Variants in WDR3 observed in about 807,000 individuals in gnomAD.
WDR3 encodes WD repeat-containing protein 3.
In WDR3, 81 loss-of-function variants were observed where a neutral mutation model predicts 123.7. The observed-to-expected ratio is 0.65, with a 90% CI of 0.55 to 0.79. The LOEUF is 0.79. WDR3 is among the 30% of genes least tolerant of loss of function. The pLI, the probability that WDR3 is intolerant of heterozygous loss-of-function variation, is 0.00. For missense variants in WDR3, 1,027 were observed against 1,123.2 expected, an observed-to-expected ratio of 0.91 and a Z score of 1.22; for synonymous variants, 390 against 388.8, an observed-to-expected ratio of 1.00 and a Z score of -0.04.
intron 5 of WDR3, among the ~76,000 whole-genome samples, chr1:117,938,946 C>T (rs1003518131): frequency 6.6e-6 from 1 of 152,164 alleles, no homozygotes; most frequent in Non-Finnish European, 1.5e-5. Flanking sequence ...AGTTCAGGGA[C>T]TGTTTTTTAT....
chr1:117,948,543 C>A lies in WDR3; in HGVS notation c.1524+37C>A, dbSNP rs769448421. Reference sequence around the variant, plus strand: ...AGATTTTAAAGCCCTGGAGTTCAGCCCTGTGGCTACCCTGATTTCTCTCAG... The same window carrying A: ...AGATTTTAAAGCCCTGGAGTTCAGCACTGTGGCTACCCTGATTTCTCTCAG... On this transcript the variant is annotated intron_variant, in intron 13 of 26. Transcript: ENST00000349139. 1.4e-5 allele frequency: 21 copies of A among 1,528,204 alleles called. No homozygotes were observed. The South Asian group carries it at 2.5e-4, about 18-fold the overall frequency. The allele number at this position is 1,528,204 out of a possible 1,614,324, so 94.7% of individuals were successfully genotyped here. A position where few individuals can be genotyped will look rare whatever the true frequency, so the allele number is the denominator to read the frequency against.
intron 10 of WDR3, among the ~76,000 whole-genome samples, chr1:117,942,924 C>T (rs1227950865): frequency 2.8e-5 from 4 of 144,306 alleles, no homozygotes; most frequent in Non-Finnish European, 6.0e-5. Context: ...ACTTAAAAGC[C>T]TACTCAGCTA....
intron 3 of WDR3, among the ~76,000 whole-genome samples, chr1:117,935,082 C>A (rs1423452605): frequency 6.6e-6 from 1 of 152,196 alleles, no homozygotes; most frequent in African/African-American, 2.4e-5. Flanking sequence ...ATAAAAGATT[C>A]CATTCACAAC....
At position 117,941,215 on chromosome 1, in the gene WDR3, T is replaced by C; in HGVS notation, c.881T>C (p.Leu294Pro). ...GCAGTCGACAAGACAGGCAGGATTC[T>C]TGCTTGCCATGTGAGTACCATACTT... Reference protein sequence around the residue: ...NLAVDKTGRILACHGTDSVLE... With the variant: ...NLAVDKTGRIPACHGTDSVLE... The change falls in exon 8 of 27, where the codon CTT becomes CCT. Residue 294 changes from leucine (L) to proline (P), a missense_variant. Leu to Pro is a moderately conservative substitution (Grantham distance 98, BLOSUM62 -3). Coordinates refer to ENST00000349139, the MANE Select transcript of WDR3 (RefSeq NM_006784.3). The C allele has an allele frequency of 6.2e-7, 1 of 1,614,142 alleles. No homozygotes were observed. Among genetic ancestry groups the C allele is most frequent in the Non-Finnish European group, 8.5e-7 (1 of 1,179,982 alleles).
Position 117,939,446 on chromosome 1 carries a change from C to T in WDR3, c.580-31C>T, listed in dbSNP as rs368471299. 38 of 1,599,438 alleles carry T rather than the reference C, an allele frequency of 2.4e-5. No homozygotes were observed. In the Admixed American group the frequency reaches 5.0e-4, roughly 21 times the overall value. ...ATGCTACCTGGAATCTCTTGAAAAT[C>T]GTATTACTCAAATCTTTTTATATTC... On this transcript the variant is annotated intron_variant, in intron 5 of 26. Transcript: ENST00000349139.
chr1:117,934,787 A>G, intron 3 of WDR3, 105 bp downstream of exon 3: 1 of 1,110,954 alleles, frequency 9.0e-7, no homozygotes, highest in Non-Finnish European at 1.3e-6. Flanking sequence ...TGGGCTGTCA[A>G]TATACAAAGT....
chr1:117,952,250 A>G, intron 17 of WDR3, 47 bp from the exon 18 acceptor site: 1 of 1,556,104 alleles, frequency 6.4e-7, no homozygotes, highest in South Asian at 1.2e-5. Flanking sequence ...AACTCTTTTT[A>G]CTAACCTGGA....
At chr1:117,942,987 C>G (rs954287570) in intron 10 of WDR3, among the ~76,000 whole-genome samples, 1 of 147,166 alleles carries the variant, frequency 6.8e-6, no homozygotes, top group Non-Finnish European at 1.5e-5. Context: ...GAGTCTTGCT[C>G]TGTTGCCCAG....
At chr1:117,959,068 A>G (rs1652650723) in intron 26 of WDR3, 65 bp downstream of exon 26, 17 of 1,506,882 alleles carry the variant, frequency 1.1e-5, no homozygotes, top group Non-Finnish European at 1.5e-5. Flanking sequence ...GAAATAGTAT[A>G]GTATGCTGTG....
At chr1:117,951,719 C>T (rs1490136341) in intron 16 of WDR3, among the ~76,000 whole-genome samples, 1 of 151,916 alleles carries the variant, frequency 6.6e-6, no homozygotes, top group East Asian at 1.9e-4. Context: ...AATAGATAAC[C>T]CTATGTCAAG....
intron 11 of WDR3, 79 bp from the exon 12 acceptor site, chr1:117,946,007 A>G: frequency 9.5e-7 from 1 of 1,052,070 alleles, no homozygotes; most frequent in East Asian, 2.6e-5. Context: ...GTCTAAGTGC[A>G]TTGAAACCTA....
At chr1:117,930,666 C>T (rs999359559) in intron 1 of WDR3, among the ~76,000 whole-genome samples, 3 of 152,118 alleles carry the variant, frequency 2.0e-5, no homozygotes, top group African/African-American at 7.2e-5. Context: ...GTGCAGTAAT[C>T]CAGTGATAAA....
In WDR3 at chr1:117,933,493, G is replaced by A. The variant is rs779344237; in HGVS notation, c.171+3G>A. ...GGGACTTAAGGAAAGGAGAGAAGGT[G>A]AGCCTAAAATGACCAGTTTGATACT... On this transcript the variant is annotated splice_donor_region_variant and intron_variant, in intron 2 of 26. Coordinates refer to ENST00000349139, the MANE Select transcript of WDR3 (RefSeq NM_006784.3). 1.2e-6 allele frequency: 2 copies of A among 1,614,080 alleles called. No individual in the cohort carries two copies. The highest frequency in any genetic ancestry group is 1.7e-6 in the Non-Finnish European group (2 of 1,179,976).
Position 117,948,479 on chromosome 1 carries a change from G to T in WDR3, c.1497G>T (p.Leu499Phe). ...CAATAGATGCACATGATGGAGCTTT[G>T]TGGTCCATGTCCCTCTCTCCAGATC... ...LETIDAHDGA[L>F]WSMSLSPDQR... Residue 499 changes from leucine to phenylalanine, a missense_variant, in exon 13 of 27, where the codon TTG becomes TTT. Coordinates refer to ENST00000349139, the MANE Select transcript of WDR3 (RefSeq NM_006784.3). 2 of 1,613,668 alleles carry T rather than the reference G, an allele frequency of 1.2e-6. No individual in the cohort carries two copies. Among genetic ancestry groups the T allele is most frequent in the Non-Finnish European group, 1.7e-6 (2 of 1,179,890 alleles).
chr1:117,964,037 C>T lies in WDR3; in HGVS notation c.*4590C>T. 7.3e-7 allele frequency: 1 copy of T among 1,376,788 alleles called. No homozygotes were observed. The highest frequency in any genetic ancestry group is 9.9e-7 in the Non-Finnish European group (1 of 1,007,898). 85.3% of individuals were successfully genotyped at this position (1,376,788 alleles called of 1,614,324 possible). On this transcript the variant is annotated 3_prime_UTR_variant, in exon 27 of 27. Coordinates refer to ENST00000349139, the MANE Select transcript of WDR3 (RefSeq NM_006784.3). ...AATCATAGAATTTCTTCTCTGGCAA[C>T]ATCAGTTCAATTTTAGGTAACTGTC... is the stretch of plus-strand genomic sequence containing the variant.
Position 117,952,582 on chromosome 1 carries a change from G to C in WDR3, c.2071G>C (p.Val691Leu), listed in dbSNP as rs1651667974. 1.2e-6 allele frequency: 2 copies of C among 1,613,558 alleles called. No individual in the cohort carries two copies. Among genetic ancestry groups the C allele is most frequent in the African/African-American group, 2.7e-5 (2 of 75,012 alleles). ...LAVSPSGDYV[V>L]SSSHDKSLRL... ...TGTAAGCCCCAGTGGAGACTATGTT[G>C]TATCATCGTCCCATGACAAATCTCT... Residue 691 changes from valine (V) to leucine (L), a missense_variant, in exon 19 of 27, where the codon GTA becomes CTA. Physicochemically the swap from Val to Leu is conservative, Grantham distance 32. Transcript: ENST00000349139.
Position 117,953,564 on chromosome 1 carries a change from A to C in WDR3, c.2268+23A>C, listed in dbSNP as rs770365100. 1.0e-5 allele frequency: 16 copies of C among 1,604,138 alleles called. No individual in the cohort carries two copies. In the East Asian group the frequency reaches 3.1e-4, roughly 31 times the overall value. On this transcript the variant is annotated intron_variant, in intron 21 of 26. Coordinates refer to ENST00000349139, the MANE Select transcript of WDR3 (RefSeq NM_006784.3). ...GCAGTAAGTTGATATAGAATGTGGT[A>C]TCTCGTTTTTTAATAAGATCTCAAC... is the stretch of plus-strand genomic sequence containing the variant.
chr1:117,932,902 C>T (rs1650782981), intron 1 of WDR3, among the ~76,000 whole-genome samples: 1 of 152,010 alleles, frequency 6.6e-6, no homozygotes, highest in African/African-American at 2.4e-5. Flanking sequence ...ACATGATCAA[C>T]AGTTGGTGTT....
chr1:117,950,174 T>C (rs1425274159), intron 15 of WDR3, 44 bp downstream of exon 15: 2 of 1,607,264 alleles, frequency 1.2e-6, no homozygotes, highest in African/African-American at 2.7e-5. Context: ...TCTGACTGAC[T>C]GACCTTAAGA....
Sources: allele counts gnomAD v4.1 joint callset (sites outside exome capture counted in the v4.1 genomes callset), GRCh38; gene constraint gnomAD v4.1.1; transcripts MANE v1.5; gene names NCBI Gene and HGNC (gene_info 2026-07-23, HGNC 2026-07-21).